Variants in ABCG2 observed in about 807,000 individuals in gnomAD.
ABCG2 encodes ATP binding cassette subfamily G member 2 (JR blood group), also known as broad substrate specificity ATP-binding cassette transporter ABCG2.
A neutral mutation model predicts 73.5 loss-of-function variants in ABCG2; 80 were observed. The ratio of observed to expected loss-of-function variants is 1.09; its 90% confidence interval spans 0.91 to 1.31. The LOEUF (loss-of-function observed/expected upper bound fraction) is 1.31. Ranked by LOEUF, ABCG2 falls within the 50% of genes most tolerant of loss-of-function variation. The pLI is 0.00. For missense variants in ABCG2, 796 were observed against 786.2 expected (o/e 1.01, Z -0.15); for synonymous variants, 269 against 282.4 (o/e 0.95, Z 0.48).
At chr4:88,095,799 G>A (rs751180912) in intron 13 of ABCG2, among the ~76,000 whole-genome samples, 190 bp from the exon 14 acceptor site, 2 of 152,108 alleles carry the variant, frequency 1.3e-5, no homozygotes, top group African/African-American at 4.8e-5. Context: ...TCTCTATATA[G>A]CTGAAGTCAT....
intron 1 of ABCG2, among the ~76,000 whole-genome samples, chr4:88,185,727 C>T (rs1372435625): frequency 6.6e-6 from 1 of 152,024 alleles, no homozygotes; most frequent in South Asian, 2.1e-4. Flanking sequence ...AGAAGACGCA[C>T]GAATGGCAAA....
intron 1 of ABCG2, among the ~76,000 whole-genome samples, chr4:88,150,080 C>T (rs972944907): frequency 9.2e-5 from 14 of 151,980 alleles, no homozygotes; most frequent in African/African-American, 2.7e-4. Context: ...TTTGGGAGGC[C>T]GAGGTGGGTG....
At chr4:88,129,995 G>T (rs550334995) in intron 5 of ABCG2, among the ~76,000 whole-genome samples, 2 of 152,106 alleles carry the variant, frequency 1.3e-5, no homozygotes, top group Admixed American at 1.3e-4. Context: ...AGAAAAAGAG[G>T]CAGAGAAGGG....
At chr4:88,229,159 A>G (rs369249515) in intron 1 of ABCG2, among the ~76,000 whole-genome samples, 2 of 152,170 alleles carry the variant, frequency 1.3e-5, no homozygotes, top group South Asian at 2.1e-4. Context: ...GAGCCATAAC[A>G]CTTGCTGCGA....
intron 1 of ABCG2, among the ~76,000 whole-genome samples, chr4:88,219,821 C>T (rs1042113474): frequency 4.6e-5 from 7 of 151,090 alleles, no homozygotes; most frequent in South Asian, 2.1e-4. Flanking sequence ...GATCTCCTGA[C>T]CTCGTGATCC....
intron 12 of ABCG2, among the ~76,000 whole-genome samples, chr4:88,098,323 G>T (rs1297891390): frequency 6.6e-6 from 1 of 151,918 alleles, no homozygotes; most frequent in Non-Finnish European, 1.5e-5. Flanking sequence ...AGATATTTCC[G>T]GGGGTTTTGT....
At chr4:88,107,354 G>T in intron 9 of ABCG2, 88 bp from the exon 10 acceptor site, 3 of 896,074 alleles carry the variant, frequency 3.3e-6, no homozygotes, top group Non-Finnish European at 5.0e-6. Context: ...ATAATATATG[G>T]TTACATAATC....
At position 88,158,449 on chromosome 4, in the gene ABCG2, C is replaced by T. The variant is rs1004650184; in HGVS notation, c.-83G>A. 2 of 453,520 alleles carry T rather than the reference C, an allele frequency of 4.4e-6. No homozygotes were observed. Among genetic ancestry groups the T allele is most frequent in the South Asian group, 3.1e-5 (2 of 64,182 alleles). 28.1% of individuals were successfully genotyped at this position (453,520 alleles called of 1,614,324 possible). A position where few individuals can be genotyped will look rare whatever the true frequency, so the allele number is the denominator to read the frequency against. ...ATCTCAGGATGCGTGCGCTCGGAGG[C>T]AGCGCTTTAACAATTAAGGATGTAA... is the stretch of plus-strand genomic sequence containing the variant. On this transcript the variant is annotated 5_prime_UTR_variant, in exon 1 of 16. Transcript: ENST00000237612.
intron 1 of ABCG2, 27 bp downstream of exon 1, chr4:88,158,359 G>T (rs1305053198): frequency 1.1e-5 from 4 of 366,250 alleles, no homozygotes; most frequent in Non-Finnish European, 2.2e-5. Flanking sequence ...CACACTCTCA[G>T]CGAAACTGGT....
intron 1 of ABCG2, among the ~76,000 whole-genome samples, chr4:88,214,665 G>T (rs1471110305): frequency 1.3e-5 from 2 of 148,816 alleles, no homozygotes; most frequent in Non-Finnish European, 3.0e-5. Context: ...TTCAAGACCA[G>T]CTTGGGCAAC....
At chr4:88,202,464 A>T (rs1729225353) in intron 1 of ABCG2, among the ~76,000 whole-genome samples, 1 of 149,620 alleles carries the variant, frequency 6.7e-6, no homozygotes, top group African/African-American at 2.5e-5. Context: ...TTAGGCTTGC[A>T]GACACTTTGA....
chr4:88,200,448 C>T (rs774951138), intron 1 of ABCG2, among the ~76,000 whole-genome samples: 1 of 150,924 alleles, frequency 6.6e-6, no homozygotes, highest in Non-Finnish European at 1.5e-5. Flanking sequence ...GGATTACAGG[C>T]ATTGGCCACC....
chr4:88,101,153 C>T (rs1413486988), intron 11 of ABCG2, 77 bp downstream of exon 11: 7 of 1,272,092 alleles, frequency 5.5e-6, no homozygotes, highest in Admixed American at 1.8e-5. Context: ...TCCTTGGCCC[C>T]AACCCCAGAT....
intron 3 of ABCG2, among the ~76,000 whole-genome samples, 171 bp from the exon 4 acceptor site, chr4:88,132,088 A>G (rs1724930299): frequency 6.6e-6 from 1 of 152,198 alleles, no homozygotes; most frequent in Non-Finnish European, 1.5e-5. Context: ...AACTAAAATT[A>G]TGCTTTTAAA....
At position 88,092,863 on chromosome 4, in the gene ABCG2, G is replaced by T. The variant is rs568975804; in HGVS notation, c.1821-482C>A. On this transcript the variant is annotated intron_variant, in intron 15 of 15. Coordinates refer to ENST00000237612, the MANE Select transcript of ABCG2 (RefSeq NM_004827.3). The stretch of plus-strand genomic sequence containing the variant: ...TCAAAGCTCTTACAGTACTCTTTAC[G>T]CTTACAAATAGCCATAAAAAACAAC... 3.1e-4 allele frequency among the ~76,000 whole-genome samples: 47 copies of T among 152,234 alleles called. No individual in the cohort carries two copies. In the South Asian group the frequency reaches 9.7e-3, roughly 32 times the overall value.
At chr4:88,131,738 T>C in intron 4 of ABCG2, 65 bp downstream of exon 4, 1 of 1,170,108 alleles carries the variant, frequency 8.5e-7, no homozygotes, top group Non-Finnish European at 1.3e-6. Flanking sequence ...CATTGAACTA[T>C]CAGCCAAAGC....
chr4:88,207,070 C>T (rs759532486), intron 1 of ABCG2, among the ~76,000 whole-genome samples: 9 of 152,202 alleles, frequency 5.9e-5, no homozygotes, highest in Non-Finnish European at 7.3e-5. Flanking sequence ...GCTAGGATTA[C>T]AAGCGTGAAC....
intron 1 of ABCG2, among the ~76,000 whole-genome samples, chr4:88,226,556 C>T (rs1268797119): frequency 6.6e-6 from 1 of 152,178 alleles, no homozygotes; most frequent in Non-Finnish European, 1.5e-5. Flanking sequence ...TCATTTAATC[C>T]TCACAACTAC....
intron 1 of ABCG2, among the ~76,000 whole-genome samples, chr4:88,216,477 G>C (rs574353149): frequency 6.6e-6 from 1 of 152,162 alleles, no homozygotes; most frequent in Non-Finnish European, 1.5e-5. Context: ...CAGTGGCTCC[G>C]TGTGCAAACT....
Sources: allele counts gnomAD v4.1 joint callset (sites outside exome capture counted in the v4.1 genomes callset), GRCh38; gene constraint gnomAD v4.1.1; transcripts MANE v1.5; gene names NCBI Gene and HGNC (gene_info 2026-07-23, HGNC 2026-07-21).